ANKS1B: variants seen among roughly 807,000 people sequenced by gnomAD.
ANKS1B encodes the protein ankyrin repeat and sterile alpha motif domain containing 1B, also known as ankyrin repeat and sterile alpha motif domain-containing protein 1B.
In ANKS1B, 36 loss-of-function variants were observed where a neutral mutation model predicts 148.3. The observed-to-expected ratio is 0.24, with a 90% CI of 0.19 to 0.32. ANKS1B has a LOEUF of 0.32. Among genes scored for constraint, ANKS1B ranks in the 10% least tolerant of loss-of-function variants. ANKS1B has a pLI of 1.00. For synonymous variants in ANKS1B, 542 were observed against 560.8 expected (o/e 0.97, Z 0.47); for missense variants, 1,157 against 1,542.6 (o/e 0.75, Z 4.19).
chr12:99,875,720 G>A (rs1041924966), intron 1 of ANKS1B, among the ~76,000 whole-genome samples: 3 of 152,106 alleles, frequency 2.0e-5, no homozygotes, highest in African/African-American at 4.8e-5. Flanking sequence ...TGGGACTTTG[G>A]GGGCATCCAT....
intron 9 of ANKS1B, among the ~76,000 whole-genome samples, chr12:99,529,868 CA>C (rs2096969407): frequency 6.6e-6 from 1 of 152,104 alleles, no homozygotes; most frequent in African/African-American, 2.4e-5. Flanking sequence ...AATACTAAAA[CA>C]TTTTTTTCGA....
At chr12:99,809,934 A>G (rs983482179) in intron 3 of ANKS1B, among the ~76,000 whole-genome samples, 2 of 152,064 alleles carry the variant, frequency 1.3e-5, no homozygotes, top group African/African-American at 4.8e-5. Context: ...CGGTCAATCT[A>G]CTCTATCTCT....
At chr12:98,849,548 T>C (rs1027231490) in intron 17 of ANKS1B, among the ~76,000 whole-genome samples, 24 of 152,222 alleles carry the variant, frequency 1.6e-4, no homozygotes, top group Non-Finnish European at 3.1e-4. Flanking sequence ...GGCTTGTTTT[T>C]TGTTTCCTAA....
At chr12:99,378,825 C>T (rs2093513692) in intron 12 of ANKS1B, among the ~76,000 whole-genome samples, 1 of 152,162 alleles carries the variant, frequency 6.6e-6, no homozygotes, top group Admixed American at 6.6e-5. Context: ...GAAAGTAAGA[C>T]TCCAGAGGGC....
At chr12:99,016,366 A>G (rs1346581006) in intron 17 of ANKS1B, among the ~76,000 whole-genome samples, 1 of 152,210 alleles carries the variant, frequency 6.6e-6, no homozygotes, top group Non-Finnish European at 1.5e-5. Context: ...AAGAGCCTAC[A>G]TAATTCAGTC....
intron 22 of ANKS1B, among the ~76,000 whole-genome samples, chr12:98,784,219 A>T (rs1420035919): frequency 6.6e-6 from 1 of 152,222 alleles, no homozygotes. Flanking sequence ...ACCTACATAC[A>T]TGGATGGCCA....
chr12:98,755,550 C>G (rs745672149), intron 25 of ANKS1B, among the ~76,000 whole-genome samples: 1 of 152,190 alleles, frequency 6.6e-6, no homozygotes, highest in South Asian at 2.1e-4. Context: ...CTGGAGTAAT[C>G]GTAACATTTC....
chr12:99,925,105 C>T (rs1484890870), intron 1 of ANKS1B, among the ~76,000 whole-genome samples: 1 of 152,094 alleles, frequency 6.6e-6, no homozygotes, highest in Non-Finnish European at 1.5e-5. Context: ...CTGGCTTACA[C>T]TGGAGCAGAA....
intron 8 of ANKS1B, among the ~76,000 whole-genome samples, chr12:99,728,085 TGA>T (rs2058785217): frequency 6.6e-6 from 1 of 152,168 alleles, no homozygotes; most frequent in Non-Finnish European, 1.5e-5. Context: ...AAAGACTTCA[TGA>T]TGAAAACACC....
intron 12 of ANKS1B, among the ~76,000 whole-genome samples, chr12:99,318,560 T>C (rs1488050381): frequency 6.6e-6 from 1 of 152,222 alleles, no homozygotes; most frequent in African/African-American, 2.4e-5. Flanking sequence ...TTCTTCTCTC[T>C]TTTCTCCATT....
intron 25 of ANKS1B, among the ~76,000 whole-genome samples, chr12:98,768,652 T>G (rs1195864885): frequency 6.8e-6 from 1 of 148,050 alleles, no homozygotes; most frequent in Non-Finnish European, 1.5e-5. Context: ...GAGAATGGCG[T>G]GAACCCGGGA....
chr12:99,264,759 T>G (rs1003560459), intron 12 of ANKS1B, among the ~76,000 whole-genome samples: 1 of 152,136 alleles, frequency 6.6e-6, no homozygotes, highest in Non-Finnish European at 1.5e-5. Context: ...GGATGAGTTC[T>G]GTCAGGGACT....
chr12:98,895,844 T>G (rs186018416), intron 17 of ANKS1B, among the ~76,000 whole-genome samples: 48 of 152,362 alleles, frequency 3.2e-4, no homozygotes, highest in Admixed American at 9.1e-4. Context: ...AATCCGACCT[T>G]AAATGACAAG....
chr12:99,289,310 C>A (rs2079578307), intron 12 of ANKS1B, among the ~76,000 whole-genome samples: 1 of 151,982 alleles, frequency 6.6e-6, no homozygotes, highest in South Asian at 2.1e-4. Flanking sequence ...GATCCCAATA[C>A]AATAACAGCT....
chr12:98,802,551 A>G (rs974170044), intron 20 of ANKS1B, among the ~76,000 whole-genome samples: 1 of 144,628 alleles, frequency 6.9e-6, no homozygotes, highest in African/African-American at 2.5e-5. Flanking sequence ...AGTAGCTGCC[A>G]ATGATAAAAA....
intron 17 of ANKS1B, among the ~76,000 whole-genome samples, chr12:99,044,074 T>C (rs2099960755): frequency 6.6e-6 from 1 of 152,376 alleles, no homozygotes; most frequent in African/African-American, 2.4e-5. Context: ...ATTTCGTGTA[T>C]GTATTTGTGA....
At chr12:99,796,934 C>T (rs2066325839) in intron 4 of ANKS1B, among the ~76,000 whole-genome samples, 4 of 151,882 alleles carry the variant, frequency 2.6e-5, no homozygotes, top group Admixed American at 2.6e-4. Context: ...AGATGATAAA[C>T]ATATTTTTAG....
chr12:99,644,308 A>C (rs568289200), intron 9 of ANKS1B, among the ~76,000 whole-genome samples: 1 of 152,294 alleles, frequency 6.6e-6, no homozygotes, highest in East Asian at 1.9e-4. Context: ...TATGTTTATT[A>C]ACATTCTCTC....
intron 17 of ANKS1B, among the ~76,000 whole-genome samples, chr12:98,925,998 G>C (rs1208154581): frequency 2.0e-5 from 3 of 152,078 alleles, no homozygotes; most frequent in Admixed American, 6.6e-5. Flanking sequence ...ATGTGTTTAG[G>C]GGGGTTTGAA....
Sources: gnomAD v4.1 joint callset for allele counts (sites outside exome capture counted in the v4.1 genomes callset) on GRCh38, gnomAD v4.1.1 for gene constraint, MANE v1.5 for transcripts, NCBI Gene and HGNC (gene_info 2026-07-23, HGNC 2026-07-21) for gene names.